BYSL: variants seen among roughly 807,000 people sequenced by gnomAD.
BYSL encodes bystin like, also known as bystin.
A neutral mutation model predicts 45.4 loss-of-function variants in BYSL; 21 were observed. The ratio of observed to expected loss-of-function variants is 0.46; its 90% CI spans 0.33 to 0.67. The LOEUF is 0.67. BYSL is among the 30% of genes least tolerant of loss of function. BYSL has a pLI of 0.02. For missense variants in BYSL, 522 were observed against 578.5 expected (o/e 0.90, Z 1.00); for synonymous variants, 215 against 231.3 (o/e 0.93, Z 0.64).
At chr6:41,915,315 C>A in the BYSL span, among the ~76,000 whole-genome samples, 1 of 151,638 alleles carries the variant, frequency 6.6e-6, no homozygotes, top group Non-Finnish European at 1.5e-5. Context: ...TAGTAAGACA[C>A]TCCCATGACC....
chr6:41,915,362 C>T, the BYSL span, among the ~76,000 whole-genome samples: 3 of 152,164 alleles, frequency 2.0e-5, no homozygotes, highest in African/African-American at 7.2e-5. Flanking sequence ...GGCATGGTGG[C>T]ACATGCCTGT....
chr6:41,912,053 C>CT, the BYSL span, among the ~76,000 whole-genome samples: 9,681 of 143,828 alleles, frequency 0.067, 571 homozygotes, highest in African/African-American at 0.14. Flanking sequence ...TCCTTTTCTT[C>CT]TTTTTTTTTT....
chr6:41,909,833 A>G, the BYSL span, among the ~76,000 whole-genome samples: 1 of 152,230 alleles, frequency 6.6e-6, no homozygotes, highest in Admixed American at 6.5e-5. Flanking sequence ...GATGGTCTAC[A>G]TGTAAAGTCT....
intron 1 of BYSL, among the ~76,000 whole-genome samples, chr6:41,926,607 C>T (rs953552626): frequency 9.9e-5 from 15 of 151,386 alleles, no homozygotes; most frequent in Non-Finnish European, 1.6e-4. Context: ...CCCACCACCA[C>T]GCCCAGCTAA....
chr6:41,925,337 CAG>C (rs1237918653), intron 1 of BYSL, among the ~76,000 whole-genome samples: 1 of 152,018 alleles, frequency 6.6e-6, no homozygotes, highest in Non-Finnish European at 1.5e-5. Context: ...CTTCCAAAAA[CAG>C]AAGTTATTTA....
intron 1 of BYSL, among the ~76,000 whole-genome samples, chr6:41,923,363 C>G (rs548701378): frequency 6.7e-6 from 1 of 149,688 alleles, no homozygotes; most frequent in Non-Finnish European, 1.5e-5. Context: ...GTGGCGCAAT[C>G]TTGGCTCACT....
At position 41,927,358 on chromosome 6, in the gene BYSL, G is replaced by A; in HGVS notation, c.269-16G>A. ...ACCTTTTGCTGTGCTCATCCATTTA[G>A]TCTCCCCTCTTCTAGGTCCAAGAAT... is the stretch of plus-strand genomic sequence containing the variant. On this transcript the variant is annotated splice_polypyrimidine_tract_variant and intron_variant, in intron 1 of 6. Transcript: ENST00000230340. 6.2e-7 allele frequency: 1 copy of A among 1,613,260 alleles called. No homozygotes were observed. Among genetic ancestry groups the A allele is most frequent in the Non-Finnish European group, 8.5e-7 (1 of 1,179,436 alleles).
At chr6:41,924,885 G>A (rs1476670229) in intron 1 of BYSL, among the ~76,000 whole-genome samples, 2 of 152,198 alleles carry the variant, frequency 1.3e-5, no homozygotes, top group Admixed American at 6.5e-5. Flanking sequence ...AAGCATGTGA[G>A]AGACAGTCTA....
rs1043441150 is a variant in BYSL, at chr6:41,932,282, G to A, written c.969-79G>A. Reference sequence around the variant, plus strand: ...GCCAGCAGAGGGGAAGAAAAAAAGGGGAAAGCATAGAGGGAGAAGTAGGAT... The same window carrying A: ...GCCAGCAGAGGGGAAGAAAAAAAGGAGAAAGCATAGAGGGAGAAGTAGGAT... On this transcript the variant is annotated intron_variant, in intron 6 of 6. Coordinates refer to ENST00000230340, the MANE Select transcript of BYSL (RefSeq NM_004053.4). The surrounding 1 kb of genome is among the most constrained non-coding windows in gnomAD (Gnocchi z 4.7). The A allele has an allele frequency of 3.6e-6, 5 of 1,387,430 alleles. No homozygotes were observed. The Admixed American group carries it at 7.3e-5, about 20-fold the overall frequency. 85.9% of individuals were successfully genotyped at this position (1,387,430 alleles called of 1,614,324 possible).
the BYSL span, among the ~76,000 whole-genome samples, chr6:41,914,663 G>A: frequency 6.6e-6 from 1 of 151,670 alleles, no homozygotes; most frequent in African/African-American, 2.4e-5. Flanking sequence ...AGCTTGCAGT[G>A]AGCTGTGATC....
chr6:41,920,888 T>C (rs1775445863), upstream of BYSL: 1 of 1,365,194 alleles, frequency 7.3e-7, no homozygotes, highest in Admixed American at 2.5e-5. Context: ...TCCTCTCATC[T>C]ACACAACCCG....
intron 1 of BYSL, among the ~76,000 whole-genome samples, chr6:41,922,927 C>G (rs1330697531): frequency 6.6e-6 from 1 of 152,126 alleles, no homozygotes; most frequent in Non-Finnish European, 1.5e-5. Context: ...AGACTCCTCT[C>G]TCTCCCTGCC....
chr6:41,921,635 G>A lies in BYSL; in HGVS notation c.73G>A (p.Ala25Thr). 6.2e-7 allele frequency: 1 copy of A among 1,613,604 alleles called. No homozygotes were observed. Among genetic ancestry groups the A allele is most frequent in the East Asian group, 2.2e-5 (1 of 44,876 alleles). ...KHAPLADQIL[A>T]GNAVRAGVRE... ...TGCGCCCCTGGCCGATCAGATCCTG[G>A]CTGGGAATGCGGTGCGGGCGGGGGT... The change falls in exon 1 of 7, where the codon GCT becomes ACT. Residue 25 changes from alanine to threonine, a missense_variant. Transcript: ENST00000230340.
At chr6:41,918,242 G>A (rs1281173609), upstream of BYSL, among the ~76,000 whole-genome samples, 5 of 152,138 alleles carry the variant, frequency 3.3e-5, no homozygotes, top group Non-Finnish European at 5.9e-5. Flanking sequence ...GGTGGCTCAC[G>A]CCTGTAATCC....
rs745890130 is a variant in BYSL at position 41,927,496 on chromosome 6, C to T, written c.391C>T (p.Arg131Cys). Residue 131 changes from arginine (R) to cysteine (C), a missense_variant, in exon 2 of 7, where the codon CGT becomes TGT. Transcript: ENST00000230340. ...AEVVVDPEDE[R>C]AIEMFMNKNP... ...GGTGGTTGTGGACCCTGAGGATGAG[C>T]GTGCCATAGAGATGTTCATGAACAA... 3.4e-5 allele frequency: 55 copies of T among 1,613,924 alleles called. No homozygotes were observed. In the East Asian group the frequency reaches 4.7e-4, roughly 14 times the overall value.
Position 41,932,937 on chromosome 6 carries a change from T to G in BYSL, c.*231T>G. ...TTTAGTTCTGAGAGCCAACTTGAGA[T>G]ACCATATGCTAGCATTCCCAGTCCC... On this transcript the variant is annotated 3_prime_UTR_variant, in exon 7 of 7. Coordinates refer to ENST00000230340, the MANE Select transcript of BYSL (RefSeq NM_004053.4). The surrounding 1 kb of genome is among the most constrained non-coding windows in gnomAD (Gnocchi z 4.7). 1 of 529,626 alleles carries G rather than the reference T, an allele frequency of 1.9e-6. No homozygotes were observed. The allele number at this position is 529,626 out of a possible 1,614,324, so 32.8% of individuals were successfully genotyped here. A position where few individuals can be genotyped will look rare whatever the true frequency, so the allele number is the denominator to read the frequency against.
chr6:41,909,020 TAAA>T, the BYSL span: 30 of 440,780 alleles, frequency 6.8e-5, no homozygotes, highest in South Asian at 2.2e-4. Flanking sequence ...TCATTTCTAC[TAAA>T]AAAAAAAAAA....
At chr6:41,930,897 A>G in intron 4 of BYSL, 129 bp downstream of exon 4, 5 of 1,282,936 alleles carry the variant, frequency 3.9e-6, no homozygotes, top group Non-Finnish European at 5.2e-6. Context: ...GTGCTACTTT[A>G]TAGCATCATT....
the BYSL span, chr6:41,909,346 T>C: frequency 6.2e-7 from 1 of 1,614,066 alleles, no homozygotes; most frequent in Non-Finnish European, 8.5e-7. Flanking sequence ...TACTGGTACC[T>C]GGTGCCCCGG....
Sources: gnomAD v4.1 joint callset for allele counts (sites outside exome capture counted in the v4.1 genomes callset) on GRCh38, gnomAD v4.1.1 for gene constraint, Gnocchi (gnomAD v3.1) non-coding constraint, MANE v1.5 for transcripts, NCBI Gene and HGNC (gene_info 2026-07-23, HGNC 2026-07-21) for gene names.